The following ZNF420 variants were observed in gnomAD, a reference collection of about 807,000 sequenced individuals.
ZNF420 encodes the protein zinc finger protein 420, also known as ATM and p53-associated KZNF protein.
A neutral mutation model predicts 44.7 loss-of-function variants in ZNF420; 31 were observed. That is an observed-to-expected ratio of 0.69 (90% CI 0.52 to 0.94). The LOEUF (loss-of-function observed/expected upper bound fraction) is 0.94. Among genes scored for constraint, ZNF420 ranks in the 40% least tolerant of loss-of-function variants. The pLI, the probability that ZNF420 is intolerant of heterozygous loss-of-function variation, is 0.00. For synonymous variants in ZNF420, 245 were observed against 267.4 expected (o/e 0.92, Z 0.82); for missense variants, 681 against 827.9 (o/e 0.82, Z 2.18).
intron 4 of ZNF420, among the ~76,000 whole-genome samples, chr19:37,112,438 T>C (rs1014882635): frequency 7.9e-5 from 12 of 152,202 alleles, no homozygotes; most frequent in African/African-American, 2.9e-4. Context: ...TCTCAGCACT[T>C]TGATACACTT....
chr19:37,059,822 C>CTG (rs987396212), intron 1 of ZNF420, among the ~76,000 whole-genome samples: 11 of 151,838 alleles, frequency 7.2e-5, no homozygotes, highest in Middle Eastern at 6.8e-3. Flanking sequence ...CACTCTATCT[C>CTG]TGTGTGTGTG....
Position 37,130,023 on chromosome 19 carries a change from G to C in ZNF420, c.*965G>C. On this transcript the variant is annotated 3_prime_UTR_variant, in exon 5 of 5. Transcript: ENST00000337995. Reference sequence around the variant, plus strand: ...CTCTTTTTTAGTAACAAATTTCTGGGCTGAAAATCTCAGCCTTCCTTGCAG... The same window carrying C: ...CTCTTTTTTAGTAACAAATTTCTGGCCTGAAAATCTCAGCCTTCCTTGCAG... The C allele has an allele frequency of 6.5e-7, 1 of 1,527,602 alleles. No homozygotes were observed. The highest frequency in any genetic ancestry group is 2.1e-5 in the Admixed American group (1 of 47,318). The allele number at this position is 1,527,602 out of a possible 1,614,324, so 94.6% of individuals were successfully genotyped here. A position where few individuals can be genotyped will look rare whatever the true frequency, so the allele number is the denominator to read the frequency against.
chr19:37,114,354 C>T (rs951150610), intron 4 of ZNF420, among the ~76,000 whole-genome samples: 6 of 152,190 alleles, frequency 3.9e-5, no homozygotes, highest in Admixed American at 1.3e-4. Flanking sequence ...AGGTTACTGG[C>T]GGTTGGGTCT....
In ZNF420 at chr19:37,127,968, A is replaced by G. The variant is rs1392027353; in HGVS notation, c.977A>G (p.Gln326Arg). The change falls in exon 5 of 5, where the codon CAG becomes CGG. Residue 326 changes from glutamine (Q) to arginine (R), a missense_variant. By Grantham distance (43) the Gln-to-Arg change is conservative. This residue lies in a region of ZNF420 where 350 missense variants were observed against 382.5 expected (regional missense o/e 0.92). Coordinates refer to ENST00000337995, the MANE Select transcript of ZNF420 (RefSeq NM_144689.5). ...TGTGGCTCACAGCTTTCTCAACATC[A>G]GAAAATTCATAATGGGGAAAAACCA... ...FICGSQLSQH[Q>R]KIHNGEKPYE... is the part of the protein sequence containing the mutation. 6.2e-7 allele frequency: 1 copy of G among 1,614,088 alleles called. No individual in the cohort carries two copies. Among genetic ancestry groups the G allele is most frequent in the South Asian group, 1.1e-5 (1 of 91,078 alleles).
intron 1 of ZNF420, among the ~76,000 whole-genome samples, chr19:37,064,846 A>G (rs993565642): frequency 6.6e-6 from 1 of 152,334 alleles, no homozygotes; most frequent in Middle Eastern, 3.4e-3. Flanking sequence ...CAGACCCAAC[A>G]CCAGGTCGTG....
intron 1 of ZNF420, among the ~76,000 whole-genome samples, chr19:37,058,550 T>C (rs964814077): frequency 1.3e-5 from 2 of 151,036 alleles, no homozygotes; most frequent in Non-Finnish European, 2.9e-5. Context: ...TGTGGAGGGG[T>C]GAGGGTGGGG....
At chr19:37,050,923 A>C (rs1391664958) in intron 1 of ZNF420, among the ~76,000 whole-genome samples, 1 of 152,192 alleles carries the variant, frequency 6.6e-6, no homozygotes, top group Non-Finnish European at 1.5e-5. Flanking sequence ...GAGAGTTTTT[A>C]GCATGAAGGG....
At chr19:37,065,370 C>G (rs954136448) in intron 1 of ZNF420, among the ~76,000 whole-genome samples, 2 of 152,248 alleles carry the variant, frequency 1.3e-5, no homozygotes, top group African/African-American at 4.8e-5. Flanking sequence ...GTCAGACATG[C>G]AAGCCCTGCC....
chr19:37,052,307 CTT>C (rs1967653509), intron 1 of ZNF420, among the ~76,000 whole-genome samples: 1 of 151,050 alleles, frequency 6.6e-6, no homozygotes. Flanking sequence ...GGTCTTGACT[CTT>C]TATCCAATTT....
intron 1 of ZNF420, among the ~76,000 whole-genome samples, chr19:37,038,524 A>T (rs1967396868): frequency 6.6e-6 from 1 of 152,230 alleles, no homozygotes; most frequent in Admixed American, 6.5e-5. Context: ...TGCTCTATCA[A>T]CTAAGTTTAT....
In ZNF420 at chr19:37,039,471, G is replaced by A. The variant is rs573743558; in HGVS notation, c.-125+31389G>A. 3.3e-5 allele frequency among the ~76,000 whole-genome samples: 5 copies of A among 152,254 alleles called. No individual in the cohort carries two copies. In the South Asian group the frequency reaches 8.3e-4, roughly 25 times the overall value. On this transcript the variant is annotated intron_variant, in intron 1 of 4. Coordinates refer to the ZNF420 transcript ENST00000587029. ...CCAGGTATGTTGTCAATAAGCTGACGTATTTGAAAGGAATCTTTTTTTCTG... is the reference window on the plus strand; with the variant it reads ...CCAGGTATGTTGTCAATAAGCTGACATATTTGAAAGGAATCTTTTTTTCTG...
At chr19:37,075,193 G>T (rs1333127580), upstream of ZNF420, 2 of 152,302 alleles carry the variant, frequency 1.3e-5, no homozygotes, top group East Asian at 3.9e-4. Flanking sequence ...GGTCAGCAAG[G>T]TCAAAATGGG....
intron 1 of ZNF420, among the ~76,000 whole-genome samples, chr19:37,066,270 C>T (rs529887860): frequency 1.6e-3 from 246 of 152,166 alleles, no homozygotes; most frequent in Non-Finnish European, 3.0e-3. Context: ...TGGTGAAACC[C>T]CGTCTCTACT....
chr19:37,050,046 G>A (rs1967611293), intron 1 of ZNF420, among the ~76,000 whole-genome samples: 2 of 152,106 alleles, frequency 1.3e-5, no homozygotes. Context: ...CATTATTTCT[G>A]AGGGCTCTTT....
chr19:37,071,598 C>T (rs1041238200), intron 1 of ZNF420, among the ~76,000 whole-genome samples: 2 of 152,028 alleles, frequency 1.3e-5, no homozygotes, highest in Non-Finnish European at 2.9e-5. Context: ...GTCAGGAGTT[C>T]GATACCAGCC....
intron 1 of ZNF420, among the ~76,000 whole-genome samples, chr19:37,052,082 C>T (rs1023322376): frequency 6.6e-6 from 1 of 152,096 alleles, no homozygotes; most frequent in Non-Finnish European, 1.5e-5. Context: ...ATAGTTAGCT[C>T]TTCTTGTTGA....
intron 2 of ZNF420, among the ~76,000 whole-genome samples, chr19:37,082,896 A>G (rs559734017): frequency 6.6e-6 from 1 of 152,384 alleles, no homozygotes; most frequent in African/African-American, 2.4e-5. Context: ...TACATAACAT[A>G]TATCTAAAAT....
chr19:37,103,828 C>A (rs1172322483), intron 4 of ZNF420, among the ~76,000 whole-genome samples: 1 of 152,036 alleles, frequency 6.6e-6, no homozygotes, highest in Non-Finnish European at 1.5e-5. Flanking sequence ...GCCTTAATTT[C>A]TTCTATCTTA....
intron 1 of ZNF420, among the ~76,000 whole-genome samples, chr19:37,036,465 C>G (rs1039424691): frequency 6.6e-6 from 1 of 152,110 alleles, no homozygotes; most frequent in Admixed American, 6.5e-5. Context: ...TCTCCTGCCC[C>G]CCGTTCATTC....
Sources: gnomAD v4.1 joint callset for allele counts (sites outside exome capture counted in the v4.1 genomes callset) on GRCh38, gnomAD v4.1.1 for gene constraint, gnomAD v4.1.1 regional missense constraint, MANE v1.5 for transcripts, NCBI Gene and HGNC (gene_info 2026-07-23, HGNC 2026-07-21) for gene names.